PLS1: variants seen among roughly 807,000 people sequenced by gnomAD.
The protein encoded by PLS1 is plastin 1.
PLS1 carries 32 observed loss-of-function variants against 73.7 expected under a neutral mutation model. The observed-to-expected ratio is 0.43, with a 90% CI of 0.33 to 0.58. PLS1 has a LOEUF of 0.58. Ranked by LOEUF, PLS1 falls within the 20% of genes least tolerant of loss-of-function variation. The probability of loss-of-function intolerance (pLI) is 0.04; values close to 1 mark genes in which losing one functional copy is unlikely to be tolerated. For synonymous variants in PLS1, 217 were observed against 261.3 expected, an observed-to-expected ratio of 0.83 and a Z score of 1.63; for missense variants, 633 against 740.5, an observed-to-expected ratio of 0.85 and a Z score of 1.68.
At chr3:142,648,396 G>A (rs1412310379) in intron 1 of PLS1, among the ~76,000 whole-genome samples, 1 of 152,052 alleles carries the variant, frequency 6.6e-6, no homozygotes, top group East Asian at 1.9e-4. Context: ...AAATTGTTGC[G>A]GCTGTGATCT....
intron 1 of PLS1, among the ~76,000 whole-genome samples, chr3:142,608,594 G>C (rs1333368238): frequency 6.6e-6 from 1 of 152,202 alleles, no homozygotes; most frequent in African/African-American, 2.4e-5. Context: ...ACTCAGGGCT[G>C]TGGAAGCCTA....
chr3:142,666,104 TG>T (rs2037474292), intron 2 of PLS1, among the ~76,000 whole-genome samples: 2 of 152,192 alleles, frequency 1.3e-5, no homozygotes, highest in South Asian at 4.1e-4. Context: ...ATGGAGTATT[TG>T]GGGGCCACTG....
chr3:142,706,584 A>G (rs1040507089), intron 14 of PLS1, among the ~76,000 whole-genome samples: 7 of 152,174 alleles, frequency 4.6e-5, no homozygotes, highest in East Asian at 1.9e-4. Flanking sequence ...AAGAAAGGCA[A>G]TTATTTTAGG....
At chr3:142,654,112 ATGGGAATATAATGACCGTGGC>A (rs1335162631) in intron 1 of PLS1, among the ~76,000 whole-genome samples, 3 of 152,194 alleles carry the variant, frequency 2.0e-5, no homozygotes, top group African/African-American at 7.2e-5. Flanking sequence ...TTGCAAATGC[ATGGGAATATAATGACCGTGGC>A]TGGTCATGGA....
intron 12 of PLS1, among the ~76,000 whole-genome samples, chr3:142,702,629 G>A (rs748653925): frequency 2.6e-5 from 4 of 152,104 alleles, no homozygotes; most frequent in Non-Finnish European, 5.9e-5. Flanking sequence ...TTTCACTGGA[G>A]CAAAAAGACT....
intron 12 of PLS1, among the ~76,000 whole-genome samples, chr3:142,699,556 T>C (rs2038283277): frequency 6.6e-6 from 1 of 152,208 alleles, no homozygotes; most frequent in South Asian, 2.1e-4. Context: ...ATCCTGCATG[T>C]TCTGCACATG....
chr3:142,710,852 C>G (rs779369687), intron 14 of PLS1, among the ~76,000 whole-genome samples: 1 of 152,118 alleles, frequency 6.6e-6, no homozygotes, highest in Non-Finnish European at 1.5e-5. Flanking sequence ...CCATTTTTAG[C>G]TTGCCTTGGT....
At chr3:142,669,285 A>G in intron 2 of PLS1, 105 bp from the exon 3 acceptor site, 1 of 605,886 alleles carries the variant, frequency 1.7e-6, no homozygotes. Context: ...TGTGAAACAA[A>G]TGTGAAAGGC....
chr3:142,694,681 G>A, intron 11 of PLS1, 134 bp downstream of exon 11: 1 of 540,132 alleles, frequency 1.9e-6, no homozygotes, highest in Non-Finnish European at 3.3e-6. Flanking sequence ...CAGGATGCTG[G>A]GAATTGGCAA....
At chr3:142,673,020 T>C (rs946427536) in intron 4 of PLS1, among the ~76,000 whole-genome samples, 12 of 152,250 alleles carry the variant, frequency 7.9e-5, no homozygotes, top group Admixed American at 5.9e-4. Flanking sequence ...TATCATACTG[T>C]AGTGGCCTTT....
At position 142,597,996 on chromosome 3, in the gene PLS1, C is replaced by T. The variant is rs77004489; in HGVS notation, c.-37+1487C>T. 6.7e-3 allele frequency among the ~76,000 whole-genome samples: 1,018 copies of T among 152,280 alleles called. 14 individuals carry two copies. The highest frequency in any genetic ancestry group is 0.023 in the African/African-American group (963 of 41,554). On this transcript the variant is annotated intron_variant, in intron 1 of 15. Transcript: ENST00000457734. Reference sequence around the variant, plus strand: ...CTTCCTTCCCTCAGTCACCTGGGCCCTTTGCCCAAAATGCCTGTTTGCCTC... The same window carrying T: ...CTTCCTTCCCTCAGTCACCTGGGCCTTTTGCCCAAAATGCCTGTTTGCCTC...
rs781505101 is a variant in PLS1, at chr3:142,704,596, A to G, written c.1629+10A>G. The G allele has an allele frequency of 2.0e-6, 3 of 1,491,626 alleles. No homozygotes were observed. The Admixed American group carries it at 6.7e-5, about 33-fold the overall frequency. The allele number at this position is 1,491,626 out of a possible 1,614,324, so 92.4% of individuals were successfully genotyped here. A position where few individuals can be genotyped will look rare whatever the true frequency, so the allele number is the denominator to read the frequency against. ...TATTTCCAGCTTCAAGGTAATCAAG[A>G]GTCCTAAAAAAAATTTTTTTTTGTA... On this transcript the variant is annotated intron_variant, in intron 14 of 15. Coordinates refer to ENST00000457734, the MANE Select transcript of PLS1 (RefSeq NM_001145319.2).
At chr3:142,700,858 A>G (rs1214091671) in intron 12 of PLS1, among the ~76,000 whole-genome samples, 2 of 152,166 alleles carry the variant, frequency 1.3e-5, no homozygotes, top group Non-Finnish European at 2.9e-5. Flanking sequence ...CAGTTCCCCC[A>G]TACTGTTCTC....
chr3:142,667,851 T>A (rs1450369438), intron 2 of PLS1, among the ~76,000 whole-genome samples: 2 of 152,250 alleles, frequency 1.3e-5, no homozygotes, highest in African/African-American at 4.8e-5. Flanking sequence ...TAATGAGATT[T>A]TTCTCTAAAT....
At chr3:142,664,138 T>G (rs939684229) in intron 1 of PLS1, 64 bp from the exon 2 acceptor site, 4 of 662,798 alleles carry the variant, frequency 6.0e-6, no homozygotes, top group African/African-American at 5.5e-5. Flanking sequence ...CCTCTGTACC[T>G]TATATTGCTT....
intron 1 of PLS1, among the ~76,000 whole-genome samples, chr3:142,632,244 C>T (rs902855491): frequency 6.6e-6 from 1 of 152,094 alleles, no homozygotes; most frequent in African/African-American, 2.4e-5. Flanking sequence ...ATACAAATAA[C>T]CCCATCACAA....
rs777028055 is a variant in PLS1 at position 142,689,829 on chromosome 3, C to G, written c.1177+16C>G. On this transcript the variant is annotated intron_variant, in intron 10 of 15. Coordinates refer to ENST00000457734, the MANE Select transcript of PLS1 (RefSeq NM_001145319.2). ...TTACTGGAAGGTGCGTTCTTTCTGC[C>G]TTTAATTGACTTGCTATATTTATCT... 16 of 1,466,660 alleles carry G rather than the reference C, an allele frequency of 1.1e-5. No individual in the cohort carries two copies. The highest frequency in any genetic ancestry group is 2.8e-5 in the African/African-American group (2 of 70,228). 90.9% of individuals were successfully genotyped at this position (1,466,660 alleles called of 1,614,324 possible). A position where few individuals can be genotyped will look rare whatever the true frequency, so the allele number is the denominator to read the frequency against.
At chr3:142,603,041 C>T (rs970011368) in intron 1 of PLS1, among the ~76,000 whole-genome samples, 1 of 152,186 alleles carries the variant, frequency 6.6e-6, no homozygotes, top group Admixed American at 6.5e-5. Flanking sequence ...TTTACTCTGG[C>T]TGATGATGAA....
In PLS1 at chr3:142,712,209, C is replaced by G. The variant is rs553083450; in HGVS notation, c.*202C>G. On this transcript the variant is annotated 3_prime_UTR_variant, in exon 16 of 16. Transcript: ENST00000457734. ...AACACAGTTAATTTACCAACTGATACAGATAATAGAATATATTCATAATCA... is the reference window on the plus strand; with the variant it reads ...AACACAGTTAATTTACCAACTGATAGAGATAATAGAATATATTCATAATCA... 5 of 451,630 alleles carry G rather than the reference C, an allele frequency of 1.1e-5. No homozygotes were observed. The South Asian group carries it at 1.9e-4, about 17-fold the overall frequency. 28.0% of individuals were successfully genotyped at this position (451,630 alleles called of 1,614,324 possible). A position where few individuals can be genotyped will look rare whatever the true frequency, so the allele number is the denominator to read the frequency against.
Sources: allele counts gnomAD v4.1 joint callset (sites outside exome capture counted in the v4.1 genomes callset), GRCh38; gene constraint gnomAD v4.1.1; transcripts MANE v1.5; gene names NCBI Gene and HGNC (gene_info 2026-07-23, HGNC 2026-07-21).